ZFAND5: variants seen among roughly 807,000 people sequenced by gnomAD.
The protein encoded by ZFAND5 is AN1-type zinc finger protein 5.
In ZFAND5, 4 loss-of-function variants were observed where a neutral mutation model predicts 23.6. The ratio of observed to expected loss-of-function variants is 0.17; its 90% confidence interval spans 0.08 to 0.39. The LOEUF (loss-of-function observed/expected upper bound fraction) is 0.39. Among genes scored for constraint, ZFAND5 ranks in the 10% least tolerant of loss-of-function variants. ZFAND5 has a pLI of 1.00. For synonymous variants in ZFAND5, 68 were observed against 80.6 expected, an observed-to-expected ratio of 0.84 and a Z score of 0.84; for missense variants, 161 against 253.7, an observed-to-expected ratio of 0.63 and a Z score of 2.48.
chr9:72,362,245 A>T (rs1343647949), intron 2 of ZFAND5, among the ~76,000 whole-genome samples: 1 of 152,240 alleles, frequency 6.6e-6, no homozygotes, highest in Non-Finnish European at 1.5e-5. Context: ...AAACATTTCA[A>T]CATCACTTAG....
At chr9:72,361,985 C>G (rs1336510759) in intron 2 of ZFAND5, among the ~76,000 whole-genome samples, 1 of 152,130 alleles carries the variant, frequency 6.6e-6, no homozygotes, top group Admixed American at 6.5e-5. Flanking sequence ...GTATTAACTA[C>G]CAAAATTAGA....
At chr9:72,364,427 C>A in intron 1 of ZFAND5, 1 of 1,262,378 alleles carries the variant, frequency 7.9e-7, no homozygotes. Flanking sequence ...GAGGCCGGCC[C>A]CGCAGAGGCG....
intron 4 of ZFAND5, 54 bp downstream of exon 4, chr9:72,360,056 C>T: frequency 6.8e-7 from 1 of 1,464,420 alleles, no homozygotes; most frequent in Non-Finnish European, 9.5e-7. Context: ...CCAGTACAGA[C>T]ATCTTGATTT....
intron 1 of ZFAND5, 82 bp downstream of exon 1, chr9:72,364,614 C>T (rs1842210663): frequency 5.0e-6 from 6 of 1,204,350 alleles, no homozygotes; most frequent in African/African-American, 3.3e-5. Flanking sequence ...GCCATTGGCC[C>T]GCGGCGCCCC....
At chr9:72,362,865 G>A (rs1410047266) in intron 2 of ZFAND5, among the ~76,000 whole-genome samples, 1 of 152,172 alleles carries the variant, frequency 6.6e-6, no homozygotes, top group Non-Finnish European at 1.5e-5. Flanking sequence ...GCTGGATGGA[G>A]GCTCTCACAT....
Position 72,356,983 on chromosome 9 carries a change from G to C in ZFAND5, c.441C>G (p.Pro147=). The C allele has an allele frequency of 6.2e-7, 1 of 1,613,528 alleles. No individual in the cohort carries two copies. Among genetic ancestry groups the C allele is most frequent in the Non-Finnish European group, 8.5e-7 (1 of 1,179,766 alleles). The part of the protein sequence containing the change: ...SQSEEKAPEL[P]KPKKNRCFMC... The stretch of plus-strand genomic sequence containing the variant: ...TGAAACATCTGTTTTTCTTTGGTTT[G>C]GGCAATTCAGGAGCTTTTTCTTCAC... The change falls in exon 6 of 7, where the codon CCC becomes CCG. Residue 147 remains proline, a synonymous_variant. Coordinates refer to ENST00000376962, the MANE Select transcript of ZFAND5 (RefSeq NM_001102420.3).
Position 72,360,753 on chromosome 9 carries a change from G to A in ZFAND5, c.26C>T (p.Pro9Leu), listed in dbSNP as rs755989460. ...TCCTGTGCTACACAGCATGGGCCCCGGGGTCTGGTTAGTCTCCTGAGCCAT... is the reference window on the plus strand; with the variant it reads ...TCCTGTGCTACACAGCATGGGCCCCAGGGTCTGGTTAGTCTCCTGAGCCAT... MAQETNQT[P>L]GPMLCSTGCG... The change falls in exon 3 of 7, where the codon CCG becomes CTG. Residue 9 changes from proline (P) to leucine (L), a missense_variant. Pro to Leu is a moderately conservative substitution (Grantham distance 98, BLOSUM62 -3). Around this residue, in one of 3 missense-constraint regions of ZFAND5, gnomAD observed 21 missense variants for 58.5 expected, o/e 0.36. Transcript: ENST00000376962. 3.7e-6 allele frequency: 6 copies of A among 1,610,536 alleles called. No homozygotes were observed. The highest frequency in any genetic ancestry group is 2.2e-5 in the East Asian group (1 of 44,786).
intron 2 of ZFAND5, among the ~76,000 whole-genome samples, chr9:72,361,936 C>T (rs1330323937): frequency 6.6e-6 from 1 of 152,180 alleles, no homozygotes; most frequent in Non-Finnish European, 1.5e-5. Context: ...TACTAGAATA[C>T]ACTTTTTAGT....
At chr9:72,364,497 G>A (rs2859721) in intron 1 of ZFAND5, 199 bp downstream of exon 1, 18 of 1,281,814 alleles carry the variant, frequency 1.4e-5, no homozygotes, top group Non-Finnish European at 1.8e-5. Context: ...CCGGGAGCCA[G>A]GTCTCGGGCC....
chr9:72,360,072 T>A (rs1178044663), intron 4 of ZFAND5, 38 bp downstream of exon 4: 4 of 1,551,598 alleles, frequency 2.6e-6, no homozygotes, highest in Non-Finnish European at 3.5e-6. Context: ...GATTTCTTCT[T>A]TGTAATATCA....
At position 72,353,367 on chromosome 9, in the gene ZFAND5, AC is replaced by A. The variant is rs1485359329; in HGVS notation, c.*2585del. On this transcript the variant is annotated 3_prime_UTR_variant, in exon 7 of 7. Transcript: ENST00000376962. ...TTAATGTTTCTTGTAAAACAAACAAACAAAAAAAAAACAAAAAAAACTGATT... is the reference window on the plus strand; with the variant it reads ...TTAATGTTTCTTGTAAAACAAACAAAAAAAAAAAAACAAAAAAAACTGATT... 1.3e-5 allele frequency: 2 copies of A among 151,300 alleles called. No homozygotes were observed. Among genetic ancestry groups the A allele is most frequent in the African/African-American group, 2.4e-5 (1 of 41,218 alleles). The allele number at this position is 151,300 out of a possible 1,614,324, so 9.4% of individuals were successfully genotyped here.
chr9:72,353,686 C>T lies in ZFAND5; in HGVS notation c.*2267G>A, dbSNP rs1841848440. ...ATCTATCTCTTGCTACTACTCAGAC[C>T]TTCAGAGTGATGGAGTCCGAGGGCT... is the stretch of plus-strand genomic sequence containing the variant. On this transcript the variant is annotated 3_prime_UTR_variant, in exon 7 of 7. Coordinates refer to ENST00000376962, the MANE Select transcript of ZFAND5 (RefSeq NM_001102420.3). The T allele has an allele frequency of 6.6e-6, 1 of 152,104 alleles. No homozygotes were observed. Among genetic ancestry groups the T allele is most frequent in the Admixed American group, 6.6e-5 (1 of 15,256 alleles). The allele number at this position is 152,104 out of a possible 1,614,324, so 9.4% of individuals were successfully genotyped here. A position where few individuals can be genotyped will look rare whatever the true frequency, so the allele number is the denominator to read the frequency against.
intron 1 of ZFAND5, chr9:72,364,319 G>T (rs935886439): frequency 2.5e-5 from 24 of 943,394 alleles, no homozygotes; most frequent in East Asian, 1.1e-4. Flanking sequence ...AGCTAGGGGG[G>T]GCTGCAACGG....
chr9:72,357,975 C>T (rs1187681181), intron 5 of ZFAND5, among the ~76,000 whole-genome samples: 1 of 152,114 alleles, frequency 6.6e-6, no homozygotes, highest in East Asian at 1.9e-4. Context: ...AATTCAACTA[C>T]ACCTGAAACA....
intron 6 of ZFAND5, 60 bp downstream of exon 6, chr9:72,356,871 A>AC: frequency 6.3e-7 from 1 of 1,594,862 alleles, no homozygotes; most frequent in Non-Finnish European, 8.5e-7. Flanking sequence ...TTAGGGAGTG[A>AC]CCAAAAGCTC....
At chr9:72,364,257 C>A (rs1842192409) in intron 1 of ZFAND5, 1 of 412,666 alleles carries the variant, frequency 2.4e-6, no homozygotes, top group Admixed American at 5.7e-5. Context: ...GCAGGCCCCA[C>A]GCGGATCCCC....
chr9:72,361,152 T>C (rs1459531131), intron 2 of ZFAND5, among the ~76,000 whole-genome samples: 1 of 152,248 alleles, frequency 6.6e-6, no homozygotes, highest in Non-Finnish European at 1.5e-5. Flanking sequence ...CCATTTCAAA[T>C]GTTTTTACTT....
At chr9:72,360,821 T>C (rs2131982167) in intron 2 of ZFAND5, 34 bp from the exon 3 acceptor site, 1 of 1,561,984 alleles carries the variant, frequency 6.4e-7, no homozygotes, top group Non-Finnish European at 8.7e-7. Context: ...AAATTAGTGT[T>C]ATCACCAAAA....
At chr9:72,356,900 A>G (rs749372351) in intron 6 of ZFAND5, 31 bp downstream of exon 6, 2 of 1,610,266 alleles carry the variant, frequency 1.2e-6, no homozygotes, top group Admixed American at 1.7e-5. Context: ...CTGCAGAAGT[A>G]AAACATACAT....
Sources: gnomAD v4.1 joint callset for allele counts (sites outside exome capture counted in the v4.1 genomes callset) on GRCh38, gnomAD v4.1.1 for gene constraint, gnomAD v4.1.1 regional missense constraint, MANE v1.5 for transcripts, NCBI Gene and HGNC (gene_info 2026-07-23, HGNC 2026-07-21) for gene names.